Variants in UBAC2 observed in about 807,000 individuals in gnomAD.
UBAC2 encodes UBA domain containing 2, also known as ubiquitin-associated domain-containing protein 2.
UBAC2 carries 26 observed loss-of-function variants against 44.0 expected under a neutral mutation model. The ratio of observed to expected loss-of-function variants is 0.59; its 90% CI spans 0.43 to 0.82. The LOEUF (loss-of-function observed/expected upper bound fraction) is 0.82, where lower values mean the gene tolerates loss of function less well. Among genes scored for constraint, UBAC2 ranks in the 40% least tolerant of loss-of-function variants. The pLI is 0.00. For missense variants in UBAC2, 329 were observed against 419.4 expected (o/e 0.78, Z 1.88); for synonymous variants, 155 against 154.3 (o/e 1.00, Z -0.04).
At chr13:99,328,534 G>T (rs571145354) in intron 6 of UBAC2, among the ~76,000 whole-genome samples, 1 of 152,106 alleles carries the variant, frequency 6.6e-6, no homozygotes, top group Non-Finnish European at 1.5e-5. Context: ...AGCTTTAGCC[G>T]CTCTATTGGG....
chr13:99,255,734 A>T, intron 4 of UBAC2: 1 of 1,614,098 alleles, frequency 6.2e-7, no homozygotes, highest in Non-Finnish European at 8.5e-7. Context: ...GTACAACTGA[A>T]AACCCATAAT....
chr13:99,327,989 C>A (rs2044663546), intron 6 of UBAC2, among the ~76,000 whole-genome samples: 3 of 152,180 alleles, frequency 2.0e-5, no homozygotes, highest in Non-Finnish European at 4.4e-5. Context: ...ATGGTGGCTT[C>A]ATGCCCCATG....
Position 99,238,470 on chromosome 13 carries a change from C to G in UBAC2, c.75C>G (p.Ala25=). 6.2e-7 allele frequency: 1 copy of G among 1,613,900 alleles called. No individual in the cohort carries two copies. Among genetic ancestry groups the G allele is most frequent in the South Asian group, 1.1e-5 (1 of 91,072 alleles). ...LSKSLLLVPS[A]LSLLLALLLP... is the part of the protein sequence containing the mutation. ...AGAGCCTTCTGCTGGTCCCCAGTGC[C>G]CTCTCCCTCCTGCTCGCCCTCCTCC... Residue 25 remains alanine, a synonymous_variant, in exon 2 of 9, where the codon GCC becomes GCG. Coordinates refer to ENST00000403766, the MANE Select transcript of UBAC2 (RefSeq NM_001144072.2).
intron 1 of UBAC2, among the ~76,000 whole-genome samples, chr13:99,205,262 C>T (rs1193509274): frequency 6.6e-6 from 1 of 152,060 alleles, no homozygotes; most frequent in Non-Finnish European, 1.5e-5. Context: ...GGGAAAAACC[C>T]AGTGGGAAGG....
At chr13:99,330,488 G>T (rs2044702374) in intron 6 of UBAC2, among the ~76,000 whole-genome samples, 2 of 83,074 alleles carry the variant, frequency 2.4e-5, no homozygotes, top group African/African-American at 4.0e-5. Context: ...AAATACAGTT[G>T]ATTTCTGTAT....
rs938605180 is a variant in UBAC2, at chr13:99,248,794, T to C, written c.389+4170T>C. Among the ~76,000 whole-genome samples the C allele has an allele frequency of 3.3e-5, 5 of 152,328 alleles. No individual in the cohort carries two copies. In the South Asian group the frequency reaches 8.3e-4, roughly 25 times the overall value. Reference sequence around the variant, plus strand: ...CTCCTGCCTTGGCCTCCCAAAGGGCTGGGATTATAGGCGTGACCACCATGT... The same window carrying C: ...CTCCTGCCTTGGCCTCCCAAAGGGCCGGGATTATAGGCGTGACCACCATGT... On this transcript the variant is annotated intron_variant, in intron 4 of 8. Coordinates refer to ENST00000403766, the MANE Select transcript of UBAC2 (RefSeq NM_001144072.2).
At chr13:99,272,069 C>G (rs1168661392) in intron 4 of UBAC2, among the ~76,000 whole-genome samples, 1 of 152,180 alleles carries the variant, frequency 6.6e-6, no homozygotes, top group African/African-American at 2.4e-5. Context: ...TTAGTCTTCT[C>G]TCTAAAAGAC....
At chr13:99,365,139 A>G (rs2038673) in intron 7 of UBAC2, among the ~76,000 whole-genome samples, 2 of 152,098 alleles carry the variant, frequency 1.3e-5, no homozygotes, top group African/African-American at 4.8e-5. Context: ...GTGATTTTTT[A>G]AAAATCTGCC....
chr13:99,229,214 A>G (rs999820851), intron 1 of UBAC2, among the ~76,000 whole-genome samples: 3 of 152,214 alleles, frequency 2.0e-5, no homozygotes, highest in African/African-American at 7.2e-5. Context: ...ACGAGGGTGC[A>G]GAGTGGGGGA....
chr13:99,377,951 T>C lies in UBAC2; in HGVS notation c.928-7277T>C, dbSNP rs575410169. Reference sequence around the variant, plus strand: ...TGCCACCCTGCGCTGGAGTCAGACCTAAGACAGCATGCAGCTTCCCCTGCA... The same window carrying C: ...TGCCACCCTGCGCTGGAGTCAGACCCAAGACAGCATGCAGCTTCCCCTGCA... On this transcript the variant is annotated intron_variant, in intron 8 of 8. Transcript: ENST00000403766. Among the ~76,000 whole-genome samples the C allele has an allele frequency of 5.9e-5, 9 of 152,350 alleles. No homozygotes were observed. In the East Asian group the frequency reaches 1.5e-3, roughly 26 times the overall value.
At chr13:99,272,066 T>G (rs2043822514) in intron 4 of UBAC2, among the ~76,000 whole-genome samples, 1 of 152,186 alleles carries the variant, frequency 6.6e-6, no homozygotes, top group African/African-American at 2.4e-5. Flanking sequence ...TTTTTAGTCT[T>G]CTCTCTAAAA....
intron 6 of UBAC2, among the ~76,000 whole-genome samples, chr13:99,340,076 A>T (rs2044861148): frequency 6.6e-6 from 1 of 152,240 alleles, no homozygotes; most frequent in African/African-American, 2.4e-5. Flanking sequence ...ATACTAAATG[A>T]TTAGAATTTT....
intron 4 of UBAC2, among the ~76,000 whole-genome samples, chr13:99,293,994 C>T (rs1259012253): frequency 6.6e-6 from 1 of 152,108 alleles, no homozygotes; most frequent in Non-Finnish European, 1.5e-5. Flanking sequence ...TTTGAACAGG[C>T]AGACCAGTTG....
At chr13:99,353,450 A>G (rs1260739983) in intron 7 of UBAC2, among the ~76,000 whole-genome samples, 9 of 152,172 alleles carry the variant, frequency 5.9e-5, no homozygotes, top group East Asian at 1.9e-4. Context: ...AATCATTTCT[A>G]TTTTCCATCC....
chr13:99,242,488 G>A (rs1156607320), intron 2 of UBAC2, among the ~76,000 whole-genome samples: 1 of 144,308 alleles, frequency 6.9e-6, no homozygotes, highest in Non-Finnish European at 1.5e-5. Context: ...CCGACGGGGC[G>A]GCTGGCCGGG....
intron 2 of UBAC2, among the ~76,000 whole-genome samples, chr13:99,242,751 G>C (rs9554574): frequency 9.1e-6 from 1 of 109,466 alleles, no homozygotes; most frequent in African/African-American, 3.4e-5. Context: ...CCTCTCTCCC[G>C]GACGGGGTGG....
chr13:99,283,408 AT>A (rs952513640), intron 4 of UBAC2, among the ~76,000 whole-genome samples: 40 of 151,694 alleles, frequency 2.6e-4, no homozygotes, highest in East Asian at 2.1e-3. Flanking sequence ...CCATTTGGAG[AT>A]TTTTTTTTGA....
At chr13:99,367,563 A>G (rs1218023082) in intron 7 of UBAC2, among the ~76,000 whole-genome samples, 2 of 152,256 alleles carry the variant, frequency 1.3e-5, no homozygotes, top group Admixed American at 6.5e-5. Flanking sequence ...TACACTGCCT[A>G]TTACTTTCTT....
intron 1 of UBAC2, among the ~76,000 whole-genome samples, chr13:99,227,266 CTCTGAAATA>C (rs2142700817): frequency 6.6e-6 from 1 of 152,150 alleles, no homozygotes; most frequent in African/African-American, 2.4e-5. Context: ...TAGCAAACAA[CTCTGAAATA>C]TCAGGAACCC....
Sources: gnomAD v4.1 joint callset for allele counts (sites outside exome capture counted in the v4.1 genomes callset) on GRCh38, gnomAD v4.1.1 for gene constraint, MANE v1.5 for transcripts, NCBI Gene and HGNC (gene_info 2026-07-23, HGNC 2026-07-21) for gene names.